Variants in DPP6 observed in about 807,000 individuals in gnomAD.
The protein encoded by DPP6 is A-type potassium channel modulatory protein DPP6.
DPP6 carries 69 observed loss-of-function variants against 122.6 expected under a neutral mutation model. The ratio of observed to expected loss-of-function variants is 0.56; its 90% CI spans 0.46 to 0.69. The LOEUF (loss-of-function observed/expected upper bound fraction) is 0.69. Among genes scored for constraint, DPP6 ranks in the 30% least tolerant of loss-of-function variants. The pLI, the probability that DPP6 is intolerant of heterozygous loss-of-function variation, is 0.00. For missense variants in DPP6, 928 were observed against 1,116.9 expected (o/e 0.83, Z 2.41); for synonymous variants, 418 against 433.1 (o/e 0.97, Z 0.43).
Position 154,486,890 on chromosome 7 carries a change from G to A in DPP6, c.457+11853G>A, listed in dbSNP as rs773068332. Among the ~76,000 whole-genome samples, 2 of 152,124 alleles carry A rather than the reference G, an allele frequency of 1.3e-5. No individual in the cohort carries two copies. Among genetic ancestry groups the A allele is most frequent in the East Asian group, 1.9e-4 (1 of 5,180 alleles). Reference sequence around the variant, plus strand: ...TAACTGATGGATGATGCTGGGCCCCGCTGTTGATGCTGCTTAATTCATAAT... The same window carrying A: ...TAACTGATGGATGATGCTGGGCCCCACTGTTGATGCTGCTTAATTCATAAT... On this transcript the variant is annotated intron_variant, in intron 3 of 25. Coordinates refer to ENST00000377770, the MANE Select transcript of DPP6 (RefSeq NM_130797.4). This position sits in a 1 kb window ranked among gnomAD's most constrained non-coding sequence, Gnocchi z 4.5.
chr7:154,425,151 G>T lies in DPP6; in HGVS notation c.244-21063G>T, dbSNP rs144196577. ...CTTTTCTGCTCTCTCTGGAAAGGAGGTATTGAGTCGTCTTAGATTAACTCA... is the reference window on the plus strand; with the variant it reads ...CTTTTCTGCTCTCTCTGGAAAGGAGTTATTGAGTCGTCTTAGATTAACTCA... On this transcript the variant is annotated intron_variant, in intron 1 of 25. Coordinates refer to ENST00000377770, the MANE Select transcript of DPP6 (RefSeq NM_130797.4). Among the ~76,000 whole-genome samples the T allele has an allele frequency of 2.4e-4, 37 of 152,264 alleles. No homozygotes were observed. In the East Asian group the frequency reaches 5.4e-3, roughly 22 times the overall value.
chr7:154,492,601 C>T lies in DPP6; in HGVS notation c.457+17564C>T, dbSNP rs142550449. Reference sequence around the variant, plus strand: ...ACCGGGTGTTATGAGTACATCAGCTCATTTGATATTCACAACCATTCCTGC... The same window carrying T: ...ACCGGGTGTTATGAGTACATCAGCTTATTTGATATTCACAACCATTCCTGC... On this transcript the variant is annotated intron_variant, in intron 3 of 25. Coordinates refer to ENST00000377770, the MANE Select transcript of DPP6 (RefSeq NM_130797.4). Among the ~76,000 whole-genome samples the T allele has an allele frequency of 3.5e-3, 540 of 152,268 alleles. 9 individuals carry two copies. In the South Asian group the frequency reaches 0.051, roughly 14 times the overall value.
At chr7:154,060,823 G>A (rs1234600202) in intron 1 of DPP6, among the ~76,000 whole-genome samples, 1 of 133,980 alleles carries the variant, frequency 7.5e-6, no homozygotes, top group Non-Finnish European at 1.6e-5. Flanking sequence ...CATGAGGCAG[G>A]GACTGAGAGC....
At chr7:153,877,489 C>G in the DPP6 span, among the ~76,000 whole-genome samples, 1 of 152,064 alleles carries the variant, frequency 6.6e-6, no homozygotes, top group Non-Finnish European at 1.5e-5. Context: ...ACCAAAAACT[C>G]GTGAGAACTG....
intron 1 of DPP6, among the ~76,000 whole-genome samples, chr7:154,343,682 G>A (rs1372509189): frequency 1.3e-5 from 2 of 152,346 alleles, no homozygotes; most frequent in African/African-American, 2.4e-5. Flanking sequence ...CTGGGTTCAG[G>A]CGATTCTCCG....
chr7:153,804,160 C>T, the DPP6 span, among the ~76,000 whole-genome samples: 5 of 151,962 alleles, frequency 3.3e-5, no homozygotes, highest in African/African-American at 1.2e-4. Context: ...AGCAATTCTC[C>T]TGCCTCAGCC....
intron 17 of DPP6, among the ~76,000 whole-genome samples, chr7:154,861,879 A>T (rs144839489): frequency 6.6e-6 from 1 of 152,166 alleles, no homozygotes; most frequent in Non-Finnish European, 1.5e-5. Flanking sequence ...AAATGTGTTC[A>T]TGTAAATAAA....
intron 1 of DPP6, among the ~76,000 whole-genome samples, chr7:153,981,650 C>A (rs767765581): frequency 2.0e-4 from 31 of 152,172 alleles, no homozygotes; most frequent in Non-Finnish European, 3.8e-4. Context: ...ATGGTCTTTA[C>A]ATTTTGGTAT....
chr7:153,984,954 G>A (rs1008480629), intron 1 of DPP6, among the ~76,000 whole-genome samples: 5 of 152,186 alleles, frequency 3.3e-5, no homozygotes, highest in Non-Finnish European at 5.9e-5. Flanking sequence ...TAGGGATAAA[G>A]TGGCCAATGT....
intron 1 of DPP6, among the ~76,000 whole-genome samples, chr7:154,008,789 G>A (rs1183282574): frequency 2.0e-5 from 3 of 150,074 alleles, no homozygotes; most frequent in Non-Finnish European, 4.5e-5. Flanking sequence ...AGCCTCCCGA[G>A]TAGCTGGGAC....
intron 1 of DPP6, among the ~76,000 whole-genome samples, chr7:154,177,500 AC>A (rs1337151154): frequency 6.6e-6 from 1 of 152,174 alleles, no homozygotes; most frequent in Non-Finnish European, 1.5e-5. Flanking sequence ...AAGAGGAGTG[AC>A]CACTGTTGGT....
intron 1 of DPP6, among the ~76,000 whole-genome samples, chr7:154,066,467 A>T (rs894358053): frequency 3.3e-5 from 5 of 152,218 alleles, no homozygotes; most frequent in Non-Finnish European, 5.9e-5. Context: ...CATGTGCTCT[A>T]TGCCACGAAG....
At chr7:154,127,648 C>CAG (rs1563226007) in intron 1 of DPP6, among the ~76,000 whole-genome samples, 16 of 54,928 alleles carry the variant, frequency 2.9e-4, no homozygotes, top group African/African-American at 1.0e-3. Context: ...CACACACACA[C>CAG]ACAGACACAC....
chr7:154,345,184 G>T (rs1810290089), intron 1 of DPP6, among the ~76,000 whole-genome samples: 1 of 152,022 alleles, frequency 6.6e-6, no homozygotes, highest in Admixed American at 6.6e-5. Context: ...CTCTCTTCTT[G>T]GTCTCCACAC....
chr7:154,082,079 G>A (rs1804054447), intron 1 of DPP6, among the ~76,000 whole-genome samples: 1 of 152,162 alleles, frequency 6.6e-6, no homozygotes, highest in Non-Finnish European at 1.5e-5. Flanking sequence ...TACTCTGCAT[G>A]TGAACACAGC....
chr7:154,081,569 T>G (rs1416618058), intron 1 of DPP6, among the ~76,000 whole-genome samples: 2 of 147,406 alleles, frequency 1.4e-5, no homozygotes, highest in African/African-American at 5.2e-5. Context: ...TGGCATGGAG[T>G]AGGCTGGGCA....
chr7:154,009,385 C>T (rs1392265007), intron 1 of DPP6, among the ~76,000 whole-genome samples: 26 of 124,544 alleles, frequency 2.1e-4, no homozygotes, highest in Non-Finnish European at 3.6e-4. Context: ...GTTTAGCCAG[C>T]GCTCACCTTG....
the DPP6 span, among the ~76,000 whole-genome samples, chr7:153,853,527 T>C: frequency 6.6e-6 from 1 of 152,172 alleles, no homozygotes; most frequent in South Asian, 2.1e-4. Flanking sequence ...TGCTAGTCTT[T>C]TATGATATAA....
the DPP6 span, among the ~76,000 whole-genome samples, chr7:153,827,126 A>G: frequency 1.3e-5 from 2 of 152,212 alleles, no homozygotes; most frequent in African/African-American, 4.8e-5. Context: ...AAAATATTCT[A>G]AAGAAATTTA....
Sources: allele counts gnomAD v4.1 joint callset (sites outside exome capture counted in the v4.1 genomes callset), GRCh38; gene constraint gnomAD v4.1.1; non-coding constraint Gnocchi (gnomAD v3.1); transcripts MANE v1.5; gene names NCBI Gene and HGNC (gene_info 2026-07-23, HGNC 2026-07-21).